The following SPIDR variants were observed in gnomAD, a reference collection of about 807,000 sequenced individuals.
SPIDR encodes the protein scaffold protein involved in DNA repair, also known as DNA repair-scaffolding protein.
In SPIDR, 93 loss-of-function variants were observed where a neutral mutation model predicts 104.6. That is an observed-to-expected ratio of 0.89 (90% CI 0.75 to 1.06). The LOEUF (loss-of-function observed/expected upper bound fraction) is 1.06. SPIDR is among the 50% of genes least tolerant of loss of function. The pLI, the probability that SPIDR is intolerant of heterozygous loss-of-function variation, is 0.00. For synonymous variants in SPIDR, 431 were observed against 416.9 expected (o/e 1.03, Z -0.41); for missense variants, 1,154 against 1,111.2 (o/e 1.04, Z -0.55).
chr8:47,418,556 C>T (rs187034432), intron 7 of SPIDR, among the ~76,000 whole-genome samples: 1 of 152,298 alleles, frequency 6.6e-6, no homozygotes, highest in Non-Finnish European at 1.5e-5. Context: ...ACAATCATGT[C>T]ATCTGCAAAC....
chr8:47,551,635 A>G (rs1297371390), intron 8 of SPIDR, among the ~76,000 whole-genome samples: 1 of 151,930 alleles, frequency 6.6e-6, no homozygotes, highest in Non-Finnish European at 1.5e-5. Flanking sequence ...ATTATTTTTT[A>G]TTACGTCTAT....
intron 16 of SPIDR, among the ~76,000 whole-genome samples, chr8:47,718,751 G>A (rs979554318): frequency 1.3e-5 from 2 of 152,098 alleles, no homozygotes; most frequent in Admixed American, 1.3e-4. Flanking sequence ...TCTTGGCCAA[G>A]CAATGGCAGG....
chr8:47,634,922 T>C (rs540670399), intron 10 of SPIDR, among the ~76,000 whole-genome samples: 8 of 152,354 alleles, frequency 5.3e-5, no homozygotes, highest in African/African-American at 1.7e-4. Context: ...CCAGTGCATC[T>C]CATTTATCTG....
intron 5 of SPIDR, among the ~76,000 whole-genome samples, chr8:47,380,482 T>G (rs1554644822): frequency 6.6e-6 from 1 of 152,028 alleles, no homozygotes; most frequent in Non-Finnish European, 1.5e-5. Flanking sequence ...TGCCGCCTTC[T>G]CCACCCTCCA....
At chr8:47,638,501 G>A (rs1483092513) in intron 10 of SPIDR, among the ~76,000 whole-genome samples, 1 of 152,114 alleles carries the variant, frequency 6.6e-6, no homozygotes, top group East Asian at 1.9e-4. Context: ...GCCAGATAGA[G>A]GCTTTAGAAG....
chr8:47,727,233 T>C lies in SPIDR; in HGVS notation c.2375T>C (p.Phe792Ser). ...GTTGGCGTGGACGAGAGCACTGCTT[T>C]CTCATGGCCTGTGTGTGACATGTGT... ...TVVGVDESTA[F>S]SWPVCDMCGN... The change falls in exon 17 of 20, where the codon TTC (phenylalanine) becomes TCC (serine). Residue 792 changes from phenylalanine (F) to serine (S), a missense_variant. Phe to Ser is a radical substitution (Grantham distance 155). Transcript: ENST00000297423. 6.2e-7 allele frequency: 1 copy of C among 1,614,094 alleles called. No homozygotes were observed. Among genetic ancestry groups the C allele is most frequent in the South Asian group, 1.1e-5 (1 of 91,084 alleles).
At chr8:47,364,228 T>C (rs576584368) in intron 5 of SPIDR, among the ~76,000 whole-genome samples, 176 of 152,342 alleles carry the variant, frequency 1.2e-3, no homozygotes, top group Admixed American at 2.9e-3. Context: ...CAGCCTCTTC[T>C]AGACTCTCAC....
At chr8:47,668,365 A>G (rs1345731366) in intron 10 of SPIDR, among the ~76,000 whole-genome samples, 2 of 152,202 alleles carry the variant, frequency 1.3e-5, no homozygotes, top group Non-Finnish European at 2.9e-5. Flanking sequence ...ATACTCAGAA[A>G]GAATTTGAAA....
chr8:47,281,866 G>A (rs1401358203), intron 2 of SPIDR, among the ~76,000 whole-genome samples: 6 of 152,158 alleles, frequency 3.9e-5, no homozygotes, highest in African/African-American at 7.2e-5. Flanking sequence ...TCCATCAGAG[G>A]AGTCACTATC....
intron 8 of SPIDR, among the ~76,000 whole-genome samples, chr8:47,567,324 A>G (rs997721119): frequency 3.3e-5 from 5 of 151,830 alleles, no homozygotes; most frequent in Non-Finnish European, 7.4e-5. Flanking sequence ...GGTTCAAGCA[A>G]TTCTCCTGCC....
At chr8:47,323,084 A>G (rs575042349) in intron 5 of SPIDR, among the ~76,000 whole-genome samples, 11 of 151,456 alleles carry the variant, frequency 7.3e-5, no homozygotes, top group Non-Finnish European at 1.0e-4. Flanking sequence ...AACGTAAAGT[A>G]TAATAAAAAA....
intron 5 of SPIDR, among the ~76,000 whole-genome samples, chr8:47,354,787 A>G (rs1554624713): frequency 3.9e-5 from 6 of 151,920 alleles, no homozygotes; most frequent in African/African-American, 1.4e-4. Context: ...GACTGTAGGC[A>G]CGTACCACCA....
chr8:47,567,446 C>G (rs1041404595), intron 8 of SPIDR, among the ~76,000 whole-genome samples: 3 of 151,904 alleles, frequency 2.0e-5, no homozygotes, highest in Admixed American at 2.0e-4. Flanking sequence ...CTCGAACTCC[C>G]GACCTCAGTT....
rs377677081 is a variant in SPIDR, at chr8:47,300,446, A to G, written c.525+6416A>G. Among the ~76,000 whole-genome samples the G allele has an allele frequency of 6.6e-5, 10 of 151,772 alleles. No homozygotes were observed. In the East Asian group the frequency reaches 1.9e-3, roughly 29 times the overall value. Reference sequence around the variant, plus strand: ...TTTTTGAAGGGTTTTTTGTGTCTCTATTTCCTTCAGTTCTACTCTGATCTT... The same window carrying G: ...TTTTTGAAGGGTTTTTTGTGTCTCTGTTTCCTTCAGTTCTACTCTGATCTT... On this transcript the variant is annotated intron_variant, in intron 5 of 19. Coordinates refer to ENST00000297423, the MANE Select transcript of SPIDR (RefSeq NM_001080394.4).
chr8:47,471,546 T>C (rs1363745094), intron 8 of SPIDR, among the ~76,000 whole-genome samples: 5 of 152,116 alleles, frequency 3.3e-5, no homozygotes, highest in African/African-American at 1.2e-4. Context: ...ATTGGAATGC[T>C]TTTGCACTTC....
intron 3 of SPIDR, 44 bp downstream of exon 3, chr8:47,284,138 A>G (rs1346096173): frequency 2.0e-6 from 3 of 1,471,044 alleles, no homozygotes; most frequent in African/African-American, 1.4e-5. Flanking sequence ...TATAAGACTA[A>G]TAAATCCTTC....
intron 5 of SPIDR, among the ~76,000 whole-genome samples, chr8:47,347,519 G>A (rs1587448094): frequency 6.6e-6 from 1 of 152,092 alleles, no homozygotes; most frequent in Non-Finnish European, 1.5e-5. Context: ...TTTCTGTCTC[G>A]TTGATCTGTC....
Position 47,462,038 on chromosome 8 carries a change from G to A in SPIDR, c.1097+21496G>A, listed in dbSNP as rs144698249. On this transcript the variant is annotated intron_variant, in intron 8 of 19. Coordinates refer to ENST00000297423, the MANE Select transcript of SPIDR (RefSeq NM_001080394.4). ...GTTTTTCTGGTTTCTTCTTCTTTGC[G>A]TAGGCTATGTCAGAGGGAAGATCTG... Among the ~76,000 whole-genome samples the A allele has an allele frequency of 3.7e-3, 570 of 152,112 alleles. 2 individuals carry two copies. Among genetic ancestry groups the A allele is most frequent in the Middle Eastern group, 0.02 (6 of 294 alleles).
chr8:47,370,637 A>G (rs1340302945), intron 5 of SPIDR, among the ~76,000 whole-genome samples: 1 of 151,234 alleles, frequency 6.6e-6, no homozygotes, highest in African/African-American at 2.4e-5. Context: ...TTTAATAGAG[A>G]CAGGGTTTCA....
Sources: gnomAD v4.1 joint callset for allele counts (sites outside exome capture counted in the v4.1 genomes callset) on GRCh38, gnomAD v4.1.1 for gene constraint, MANE v1.5 for transcripts, NCBI Gene and HGNC (gene_info 2026-07-23, HGNC 2026-07-21) for gene names.